The following SLC1A2 variants were observed in gnomAD, a reference collection of about 807,000 sequenced individuals.
The protein encoded by SLC1A2 is solute carrier family 1 member 2.
SLC1A2 carries 15 observed loss-of-function variants against 48.8 expected under a neutral mutation model. The ratio of observed to expected loss-of-function variants is 0.31; its 90% CI spans 0.21 to 0.47. The LOEUF is 0.47. Among genes scored for constraint, SLC1A2 ranks in the 20% least tolerant of loss-of-function variants. The pLI is 0.99. For synonymous variants in SLC1A2, 279 were observed against 272.6 expected (o/e 1.02, Z -0.23); for missense variants, 502 against 730.5 (o/e 0.69, Z 3.61).
At chr11:35,376,622 A>G (rs1854239885) in intron 1 of SLC1A2, among the ~76,000 whole-genome samples, 1 of 152,236 alleles carries the variant, frequency 6.6e-6, no homozygotes. Flanking sequence ...TATCTTTATA[A>G]TTGTAACCAA....
At chr11:35,269,914 AC>A (rs1850232278) in intron 9 of SLC1A2, among the ~76,000 whole-genome samples, 1 of 151,900 alleles carries the variant, frequency 6.6e-6, no homozygotes, top group Non-Finnish European at 1.5e-5. Context: ...GTGCAAGACC[AC>A]CCTGGTCTCT....
At chr11:35,355,346 C>T (rs146108590) in intron 1 of SLC1A2, among the ~76,000 whole-genome samples, 1 of 152,352 alleles carries the variant, frequency 6.6e-6, no homozygotes, top group Non-Finnish European at 1.5e-5. Context: ...CCTCCCAACC[C>T]TTCACACCCT....
intron 1 of SLC1A2, among the ~76,000 whole-genome samples, chr11:35,360,446 G>A (rs6484786): frequency 0.77 from 116,506 of 152,096 alleles, 45,207 homozygotes; most frequent in East Asian, 0.91. Context: ...TTCCCTGGGT[G>A]CCTACCTTCA....
At chr11:35,326,531 G>A (rs1272208940) in intron 1 of SLC1A2, among the ~76,000 whole-genome samples, 1 of 152,222 alleles carries the variant, frequency 6.6e-6, no homozygotes, top group Non-Finnish European at 1.5e-5. Flanking sequence ...GTATACCTTA[G>A]CCAGGACTGG....
chr11:35,385,399 G>A (rs1854555028), intron 1 of SLC1A2, among the ~76,000 whole-genome samples: 1 of 152,206 alleles, frequency 6.6e-6, no homozygotes, highest in South Asian at 2.1e-4. Context: ...GAGGCTCAGA[G>A]AAGTTAGGCA....
chr11:35,369,770 T>C (rs1021439271), intron 1 of SLC1A2, among the ~76,000 whole-genome samples: 1 of 152,226 alleles, frequency 6.6e-6, no homozygotes, highest in African/African-American at 2.4e-5. Context: ...ATCATCATCG[T>C]CAGCCCAGAT....
At position 35,401,789 on chromosome 11, in the gene SLC1A2, G is replaced by T. The variant is rs80328733; in HGVS notation, c.17+17161C>A. 3.4e-3 allele frequency among the ~76,000 whole-genome samples: 512 copies of T among 152,024 alleles called. 19 individuals are homozygous for T. The East Asian group carries it at 0.08, about 24-fold the overall frequency. ...TCAAACTCATCTTGGCCTTCCAGATGCTTTAAAGTGTTGGAAACCTTAAAG... is the reference window on the plus strand; with the variant it reads ...TCAAACTCATCTTGGCCTTCCAGATTCTTTAAAGTGTTGGAAACCTTAAAG... On this transcript the variant is annotated intron_variant, in intron 1 of 10. Coordinates refer to ENST00000278379, the MANE Select transcript of SLC1A2 (RefSeq NM_004171.4).
intron 1 of SLC1A2, among the ~76,000 whole-genome samples, chr11:35,378,515 A>T (rs776644728): frequency 6.6e-6 from 1 of 152,250 alleles, no homozygotes; most frequent in Non-Finnish European, 1.5e-5. Flanking sequence ...CCTTATTCAC[A>T]TCAGCAATTT....
chr11:35,287,465 C>T lies in SLC1A2; in HGVS notation c.1092-514G>A, dbSNP rs557847539. ...GTCCTGAGCTGGACTTGCTAATTTC[C>T]ATAACAACAAACATGTCCAGCACAC... On this transcript the variant is annotated intron_variant, in intron 7 of 10. Coordinates refer to ENST00000278379, the MANE Select transcript of SLC1A2 (RefSeq NM_004171.4). Among the ~76,000 whole-genome samples, 6 of 152,216 alleles carry T rather than the reference C, an allele frequency of 3.9e-5. No homozygotes were observed. In the South Asian group the frequency reaches 1.2e-3, roughly 32 times the overall value.
chr11:35,394,798 G>A (rs1489061361), intron 1 of SLC1A2, among the ~76,000 whole-genome samples: 1 of 152,186 alleles, frequency 6.6e-6, no homozygotes, highest in Non-Finnish European at 1.5e-5. Flanking sequence ...CGTTGGGCAC[G>A]ACATGGCAGC....
At chr11:35,295,014 T>C (rs1851128327) in intron 6 of SLC1A2, among the ~76,000 whole-genome samples, 2 of 152,128 alleles carry the variant, frequency 1.3e-5, no homozygotes, top group African/African-American at 4.8e-5. Context: ...GGGCCATTAC[T>C]TTCTTGTGCC....
intron 1 of SLC1A2, among the ~76,000 whole-genome samples, chr11:35,359,140 C>G (rs1590226075): frequency 1.3e-5 from 2 of 152,288 alleles, no homozygotes; most frequent in South Asian, 4.2e-4. Context: ...CTTGCACTTG[C>G]TAGTGGAAAT....
intron 1 of SLC1A2, among the ~76,000 whole-genome samples, chr11:35,365,195 C>G (rs534639105): frequency 6.6e-6 from 1 of 152,274 alleles, no homozygotes; most frequent in African/African-American, 2.4e-5. Flanking sequence ...GGCTTTCTCC[C>G]TTGACTAAAA....
chr11:35,295,665 T>C (rs6484776), intron 6 of SLC1A2, among the ~76,000 whole-genome samples: 121,572 of 152,250 alleles, frequency 0.8, 49,408 homozygotes, highest in African/African-American at 0.94. Flanking sequence ...TCCCATGCTG[T>C]TCTTAGGCTG....
intron 1 of SLC1A2, among the ~76,000 whole-genome samples, chr11:35,325,691 A>G (rs1264311049): frequency 6.6e-6 from 1 of 152,130 alleles, no homozygotes; most frequent in East Asian, 1.9e-4. Flanking sequence ...GGCCAGGTGA[A>G]GTGGTTCATG....
intron 9 of SLC1A2, among the ~76,000 whole-genome samples, chr11:35,273,132 A>C (rs144636493): frequency 9.1e-4 from 139 of 152,310 alleles, no homozygotes; most frequent in African/African-American, 3.2e-3. Context: ...GCAATTTCAT[A>C]TGGTTCAACT....
chr11:35,338,754 T>G (rs748026502), intron 1 of SLC1A2, among the ~76,000 whole-genome samples: 1 of 152,226 alleles, frequency 6.6e-6, no homozygotes, highest in Admixed American at 6.5e-5. Flanking sequence ...TGATATATTC[T>G]CTAGTTCACT....
At chr11:35,331,297 GC>G (rs1247301295) in intron 1 of SLC1A2, among the ~76,000 whole-genome samples, 2 of 152,074 alleles carry the variant, frequency 1.3e-5, no homozygotes, top group African/African-American at 4.8e-5. Flanking sequence ...GGCTTCCATC[GC>G]CCATGGAAGC....
intron 9 of SLC1A2, among the ~76,000 whole-genome samples, chr11:35,269,979 C>T (rs779412646): frequency 8.5e-5 from 13 of 152,140 alleles, no homozygotes; most frequent in African/African-American, 1.4e-4. Context: ...TGGTGGTGCA[C>T]GCCTGTAATC....
Sources: gnomAD v4.1 joint callset for allele counts (sites outside exome capture counted in the v4.1 genomes callset) on GRCh38, gnomAD v4.1.1 for gene constraint, MANE v1.5 for transcripts, NCBI Gene and HGNC (gene_info 2026-07-23, HGNC 2026-07-21) for gene names.